ARHGAP26: variants seen among roughly 807,000 people sequenced by gnomAD.
ARHGAP26 encodes rho GTPase-activating protein 26.
ARHGAP26 carries 38 observed loss-of-function variants against 104.8 expected under a neutral mutation model. The ratio of observed to expected loss-of-function variants is 0.36; its 90% CI spans 0.28 to 0.48. The LOEUF (loss-of-function observed/expected upper bound fraction) is 0.48, where lower values mean the gene tolerates loss of function less well. ARHGAP26 is among the 20% of genes least tolerant of loss of function. ARHGAP26 has a pLI of 0.99. For missense variants in ARHGAP26, 704 were observed against 947.9 expected, an observed-to-expected ratio of 0.74 and a Z score of 3.38; for synonymous variants, 341 against 340.0, an observed-to-expected ratio of 1.00 and a Z score of -0.03.
At chr5:142,982,830 G>C (rs985690220) in intron 11 of ARHGAP26, among the ~76,000 whole-genome samples, 2 of 152,138 alleles carry the variant, frequency 1.3e-5, no homozygotes, top group African/African-American at 4.8e-5. Context: ...TGAGGCCCTG[G>C]GATCTTCAGT....
chr5:142,985,737 A>G (rs1281165754), intron 11 of ARHGAP26, among the ~76,000 whole-genome samples: 1 of 146,048 alleles, frequency 6.8e-6, no homozygotes, highest in African/African-American at 2.5e-5. Context: ...ATTCCCACCT[A>G]TGAGTGAGAA....
chr5:143,096,528 A>G (rs1486936767), intron 17 of ARHGAP26, among the ~76,000 whole-genome samples: 5 of 152,210 alleles, frequency 3.3e-5, no homozygotes, highest in Non-Finnish European at 7.3e-5. Flanking sequence ...TTCAGCTTGC[A>G]ACTCAGTCGC....
At chr5:142,902,893 C>T (rs1760566280) in intron 7 of ARHGAP26, among the ~76,000 whole-genome samples, 1 of 152,200 alleles carries the variant, frequency 6.6e-6, no homozygotes, top group African/African-American at 2.4e-5. Flanking sequence ...GTGAAAACAC[C>T]TGTGACAGAG....
intron 1 of ARHGAP26, among the ~76,000 whole-genome samples, chr5:142,804,331 A>G (rs1302925484): frequency 6.6e-6 from 1 of 152,182 alleles, no homozygotes; most frequent in African/African-American, 2.4e-5. Context: ...ACTAGGGTGA[A>G]TGAAATATGT....
chr5:143,034,135 G>A (rs13187956), intron 12 of ARHGAP26, among the ~76,000 whole-genome samples: 22,619 of 152,058 alleles, frequency 0.15, 4,568 homozygotes, highest in African/African-American at 0.46. Context: ...TGGAACCCTC[G>A]TACATTGCGG....
intron 1 of ARHGAP26, among the ~76,000 whole-genome samples, chr5:142,850,748 C>T (rs981920192): frequency 7.2e-5 from 11 of 152,204 alleles, no homozygotes; most frequent in Non-Finnish European, 1.2e-4. Flanking sequence ...CTAACTTCTT[C>T]AGTCTGCATA....
intron 1 of ARHGAP26, among the ~76,000 whole-genome samples, chr5:142,813,335 C>T (rs1170266145): frequency 6.6e-6 from 1 of 152,240 alleles, no homozygotes; most frequent in Non-Finnish European, 1.5e-5. Flanking sequence ...AATACCAGGT[C>T]AGTCTCCATT....
Position 143,225,553 on chromosome 5 carries a change from C to G in ARHGAP26, c.*3107C>G, listed in dbSNP as rs1811593172. On this transcript the variant is annotated 3_prime_UTR_variant, in exon 23 of 23. Coordinates refer to ENST00000645722, the MANE Select transcript of ARHGAP26 (RefSeq NM_001135608.3). ...CTTACCTGGAGCTCATGTGGAGGAA[C>G]AGAAGGCCAAGATCCTTGCTTTGGG... The G allele has an allele frequency of 3.3e-5, 7 of 211,148 alleles. No homozygotes were observed. The East Asian group carries it at 4.9e-4, about 15-fold the overall frequency. 13.1% of individuals were successfully genotyped at this position (211,148 alleles called of 1,614,324 possible).
intron 1 of ARHGAP26, chr5:142,772,660 C>T (rs1324144228): frequency 4.1e-6 from 2 of 486,698 alleles, no homozygotes; most frequent in Non-Finnish European, 4.2e-6. Flanking sequence ...GGAAGCATTA[C>T]CTCTGAGTCA....
chr5:143,121,171 A>G, intron 18 of ARHGAP26, 24 bp downstream of exon 18: 1 of 1,605,558 alleles, frequency 6.2e-7, no homozygotes, highest in Non-Finnish European at 8.5e-7. Flanking sequence ...GATCACTTGC[A>G]GTGAAGAATG....
intron 1 of ARHGAP26, among the ~76,000 whole-genome samples, chr5:142,868,345 C>G (rs1306322787): frequency 6.6e-6 from 1 of 151,950 alleles, no homozygotes; most frequent in Non-Finnish European, 1.5e-5. Flanking sequence ...CAGGGCCTCT[C>G]AGGCCTTGGG....
chr5:143,115,358 CG>C (rs1795303770), intron 17 of ARHGAP26, among the ~76,000 whole-genome samples: 1 of 151,070 alleles, frequency 6.6e-6, no homozygotes, highest in Non-Finnish European at 1.5e-5. Context: ...CAACAAAAAA[CG>C]AAAGAAAGAA....
At chr5:143,027,732 C>T (rs1781270739) in intron 12 of ARHGAP26, among the ~76,000 whole-genome samples, 1 of 152,142 alleles carries the variant, frequency 6.6e-6, no homozygotes, top group Non-Finnish European at 1.5e-5. Flanking sequence ...ATAGCACTGG[C>T]AAATAGTTGT....
chr5:142,891,626 G>A (rs574971803), intron 5 of ARHGAP26, among the ~76,000 whole-genome samples: 53 of 151,916 alleles, frequency 3.5e-4, no homozygotes, highest in Middle Eastern at 6.8e-3. Flanking sequence ...GTAGCATATT[G>A]TATTTGGTAT....
In ARHGAP26 at chr5:143,133,988, A is replaced by G; in HGVS notation, c.1720A>G (p.Met574Val). 2.5e-6 allele frequency: 4 copies of G among 1,611,938 alleles called. No homozygotes were observed. The highest frequency in any genetic ancestry group is 2.5e-6 in the Non-Finnish European group (3 of 1,178,896). The part of the protein sequence containing the change: ...HEKIFNTVPD[M>V]PLTNAQLHLS... ...GCAGATATTTAACACCGTGCCCGAT[A>G]TGCCTCTCACCAATGCCCAGCTGCA... is the stretch of plus-strand genomic sequence containing the variant. Residue 574 changes from methionine to valine, a missense_variant, in exon 19 of 23, where the codon ATG becomes GTG. Coordinates refer to ENST00000645722, the MANE Select transcript of ARHGAP26 (RefSeq NM_001135608.3).
intron 11 of ARHGAP26, among the ~76,000 whole-genome samples, chr5:142,936,658 T>C (rs1390070674): frequency 1.3e-5 from 2 of 152,154 alleles, no homozygotes; most frequent in African/African-American, 2.4e-5. Context: ...GACTGTGGTA[T>C]TGACAGAGGG....
rs575361578 is a variant in ARHGAP26, at chr5:143,227,840, T to C, written c.*5394T>C. On this transcript the variant is annotated 3_prime_UTR_variant, in exon 23 of 23. Coordinates refer to ENST00000645722, the MANE Select transcript of ARHGAP26 (RefSeq NM_001135608.3). The stretch of plus-strand genomic sequence containing the variant: ...TTGGATACTTTTTTAGAAGGATAAA[T>C]ATTATGCTTACTGAGGAGAAAAAAA... 9.0e-5 allele frequency: 20 copies of C among 221,732 alleles called. No homozygotes were observed. The highest frequency in any genetic ancestry group is 4.5e-4 in the African/African-American group (20 of 44,658). 13.7% of individuals were successfully genotyped at this position (221,732 alleles called of 1,614,324 possible).
At chr5:143,194,720 T>C (rs1440552112) in intron 20 of ARHGAP26, among the ~76,000 whole-genome samples, 3 of 152,348 alleles carry the variant, frequency 2.0e-5, no homozygotes, top group South Asian at 4.1e-4. Context: ...TATTCACAGA[T>C]GGTGAAACTC....
At chr5:142,787,150 TC>T (rs1451127902) in intron 1 of ARHGAP26, among the ~76,000 whole-genome samples, 1 of 152,206 alleles carries the variant, frequency 6.6e-6, no homozygotes, top group Non-Finnish European at 1.5e-5. Context: ...AACTTCTGGC[TC>T]ACTGCTTAGC....
Sources: gnomAD v4.1 joint callset for allele counts (sites outside exome capture counted in the v4.1 genomes callset) on GRCh38, gnomAD v4.1.1 for gene constraint, MANE v1.5 for transcripts, NCBI Gene and HGNC (gene_info 2026-07-23, HGNC 2026-07-21) for gene names.